The following DPEP1 variants were observed in gnomAD, a reference collection of about 807,000 sequenced individuals.
DPEP1 encodes the protein dipeptidase 1.
Under a neutral mutation model 42.3 loss-of-function variants are expected in DPEP1, and 50 were observed. The observed-to-expected ratio is 1.18, with a 90% CI of 0.94 to 1.50. DPEP1 has a LOEUF of 1.50. DPEP1 is among the 40% of genes most tolerant of loss of function. DPEP1 has a pLI of 0.00. For missense variants in DPEP1, 663 were observed against 553.0 expected (o/e 1.20, Z -1.99); for synonymous variants, 297 against 234.0 (o/e 1.27, Z -2.46).
Position 89,637,956 on chromosome 16 carries a change from C to T in DPEP1, c.1050C>T (p.Phe350=), listed in dbSNP as rs201141726. 8.7e-6 allele frequency: 14 copies of T among 1,609,112 alleles called. No homozygotes were observed. Among genetic ancestry groups the T allele is most frequent in the African/African-American group, 8.0e-5 (6 of 74,936 alleles). Residue 350 remains phenylalanine, a synonymous_variant, in exon 10 of 11, where the codon TTC becomes TTT. Transcript: ENST00000690203. ...TGGCTGACAACCTGCTGAGGGTCTTCGAGGCTGTGGAACAGGTGAGGATGG... is the reference window on the plus strand; with the variant it reads ...TGGCTGACAACCTGCTGAGGGTCTTTGAGGCTGTGGAACAGGTGAGGATGG... ...GALADNLLRV[F]EAVEQASNLT... is the part of the protein sequence containing the mutation.
intron 1 of DPEP1, among the ~76,000 whole-genome samples, chr16:89,615,773 C>T (rs1205537795): frequency 1.3e-5 from 2 of 152,270 alleles, no homozygotes; most frequent in East Asian, 3.9e-4. Context: ...GCTGCAGCAG[C>T]CAGGCAGGCG....
intron 1 of DPEP1, among the ~76,000 whole-genome samples, chr16:89,628,259 T>C (rs541489706): frequency 0.028 from 3,996 of 145,064 alleles, 224 homozygotes; most frequent in African/African-American, 0.096. Context: ...TTTCTTTCTT[T>C]TTTTTTTTTT....
rs1597773184 is a variant in DPEP1 at position 89,636,505 on chromosome 16, C to G, written c.371-28C>G. 4.4e-6 allele frequency: 7 copies of G among 1,605,898 alleles called. No individual in the cohort carries two copies. In the East Asian group the frequency reaches 1.3e-4, roughly 31 times the overall value. ...TCACCCTCCAGATACCAGGTGCCCACTCCCCTGCACCCTGACTCTCCCCGC... is the reference window on the plus strand; with the variant it reads ...TCACCCTCCAGATACCAGGTGCCCAGTCCCCTGCACCCTGACTCTCCCCGC... On this transcript the variant is annotated intron_variant, in intron 4 of 10. Coordinates refer to ENST00000690203, the MANE Select transcript of DPEP1 (RefSeq NM_001389466.1).
Position 89,637,697 on chromosome 16 carries a change from G to T in DPEP1, c.919G>T (p.Gly307Cys), listed in dbSNP as rs751460549. The T allele has an allele frequency of 1.9e-6, 3 of 1,612,964 alleles. No individual in the cohort carries two copies. The highest frequency in any genetic ancestry group is 2.7e-5 in the African/African-American group (2 of 74,914). The change falls in exon 9 of 11, where the codon GGT (glycine) becomes TGT (cysteine). Residue 307 changes from glycine (G) to cysteine (C), a missense_variant. Coordinates refer to ENST00000690203, the MANE Select transcript of DPEP1 (RefSeq NM_001389466.1). ...CGTGGGTTTTGGTGGGGACTTTGAT[G>T]GTGTTCCAAGGTAAGGGGCTGAGAG... Reference protein sequence around the residue: ...RAVGFGGDFDGVPRVPEGLED... With the variant: ...RAVGFGGDFDCVPRVPEGLED...
At position 89,638,075 on chromosome 16, in the gene DPEP1, C is replaced by T. The variant is rs144735904; in HGVS notation, c.1089C>T (p.Pro363=). The T allele has an allele frequency of 4.7e-5, 76 of 1,612,096 alleles. No homozygotes were observed. Among genetic ancestry groups the T allele is most frequent in the Non-Finnish European group, 6.2e-5 (73 of 1,179,810 alleles). Residue 363 remains proline, a synonymous_variant, in exon 11 of 11, where the codon CCC becomes CCT. Transcript: ENST00000690203. The stretch of plus-strand genomic sequence containing the variant: ...AGGCCAGCAACCTCACACAGGCTCC[C>T]GAGGAGGAGCCCATCCCGCTGGACC... ...VEQASNLTQA[P]EEEPIPLDQL...
At chr16:89,636,437 C>T (rs1165386068) in intron 4 of DPEP1, 41 bp downstream of exon 4, 8 of 1,599,412 alleles carry the variant, frequency 5.0e-6, no homozygotes, top group African/African-American at 2.7e-5. Context: ...TGCGTCTTCT[C>T]ACCCAGCCCT....
chr16:89,614,902 C>G (rs1375475130), intron 1 of DPEP1, among the ~76,000 whole-genome samples: 2 of 152,158 alleles, frequency 1.3e-5, no homozygotes. Flanking sequence ...AAGTTGGAGT[C>G]TGGAGCTGCG....
rs2059711779 is a variant in DPEP1 at position 89,638,314 on chromosome 16, C to T, written c.*92C>T. ...TCCAGATGCCAGGAGCCCTGCTGCC[C>T]ACATGCAAGGACCAGCATCTCCTGA... is the stretch of plus-strand genomic sequence containing the variant. On this transcript the variant is annotated 3_prime_UTR_variant, in exon 11 of 11. Coordinates refer to ENST00000690203, the MANE Select transcript of DPEP1 (RefSeq NM_001389466.1). The T allele has an allele frequency of 6.9e-7, 1 of 1,447,936 alleles. No homozygotes were observed. Among genetic ancestry groups the T allele is most frequent in the Admixed American group, 2.8e-5 (1 of 35,442 alleles). The allele number at this position is 1,447,936 out of a possible 1,614,324, so 89.7% of individuals were successfully genotyped here. A position where few individuals can be genotyped will look rare whatever the true frequency, so the allele number is the denominator to read the frequency against.
chr16:89,636,160 G>T (rs573595536), intron 3 of DPEP1, 104 bp from the exon 4 acceptor site: 4 of 1,549,668 alleles, frequency 2.6e-6, no homozygotes, highest in African/African-American at 1.4e-5. Context: ...TGCCCAGGCC[G>T]AGGGAGGGCT....
At chr16:89,627,801 G>A (rs1282447141) in intron 1 of DPEP1, among the ~76,000 whole-genome samples, 8 of 148,958 alleles carry the variant, frequency 5.4e-5, no homozygotes, top group East Asian at 2.0e-4. Flanking sequence ...CTGGGATTAC[G>A]GGCAAGGGCC....
chr16:89,636,758 G>C, intron 5 of DPEP1, 75 bp downstream of exon 5: 1 of 1,602,648 alleles, frequency 6.2e-7, no homozygotes, highest in East Asian at 2.2e-5. Context: ...CCACCCTCCA[G>C]AGCCCATCCC....
At chr16:89,617,450 AG>A (rs2059389857) in intron 1 of DPEP1, among the ~76,000 whole-genome samples, 1 of 152,222 alleles carries the variant, frequency 6.6e-6, no homozygotes, top group Non-Finnish European at 1.5e-5. Context: ...ACAGAGAATG[AG>A]GTGGAAGCAT....
chr16:89,625,511 CCAAA>C (rs1248866206), intron 1 of DPEP1, among the ~76,000 whole-genome samples: 2 of 152,160 alleles, frequency 1.3e-5, no homozygotes. Flanking sequence ...GGACTATAAA[CCAAA>C]CAAAGGTGGA....
chr16:89,632,705 G>A (rs987553628), intron 2 of DPEP1, among the ~76,000 whole-genome samples: 1 of 152,164 alleles, frequency 6.6e-6, no homozygotes, highest in Non-Finnish European at 1.5e-5. Flanking sequence ...AGGCAGGCAG[G>A]GCCTCCCTCC....
At chr16:89,637,167 G>T (rs1032863534) in intron 6 of DPEP1, 37 bp from the exon 7 acceptor site, 6 of 1,600,256 alleles carry the variant, frequency 3.7e-6, no homozygotes, top group Non-Finnish European at 5.1e-6. Flanking sequence ...CCCCGACCCT[G>T]GGGGCTGTGA....
intron 1 of DPEP1, chr16:89,626,382 T>C (rs893793056): frequency 6.6e-6 from 1 of 152,200 alleles, no homozygotes; most frequent in African/African-American, 2.4e-5. Flanking sequence ...GTTTCACTCT[T>C]GTTGCCCAAG....
At chr16:89,630,713 G>GGTTGGGGGT (rs2059576248) in intron 2 of DPEP1, among the ~76,000 whole-genome samples, 199 bp downstream of exon 2, 1 of 103,702 alleles carries the variant, frequency 9.6e-6, no homozygotes, top group Non-Finnish European at 2.0e-5. Flanking sequence ...GGGGAGCCGG[G>GGTTGGGGGT]GCTGGGGGTG....
downstream of DPEP1, among the ~76,000 whole-genome samples, chr16:89,640,991 AC>A (rs1251448408): frequency 6.6e-6 from 1 of 152,196 alleles, no homozygotes; most frequent in Non-Finnish European, 1.5e-5. Context: ...TCACGTGTCC[AC>A]TGGACAGGGG....
chr16:89,631,512 G>A (rs936731692), intron 2 of DPEP1, among the ~76,000 whole-genome samples: 2 of 152,284 alleles, frequency 1.3e-5, no homozygotes, highest in East Asian at 3.9e-4. Flanking sequence ...GCTTTGTTGG[G>A]GAAAAACTGT....
Sources: gnomAD v4.1 joint callset for allele counts (sites outside exome capture counted in the v4.1 genomes callset) on GRCh38, gnomAD v4.1.1 for gene constraint, MANE v1.5 for transcripts, NCBI Gene and HGNC (gene_info 2026-07-23, HGNC 2026-07-21) for gene names.